The following PAIP2B variants were observed in gnomAD, a reference collection of about 807,000 sequenced individuals.
PAIP2B encodes polyadenylate-binding protein-interacting protein 2B.
PAIP2B carries 13 observed loss-of-function variants against 17.0 expected under a neutral mutation model. That is an observed-to-expected ratio of 0.76 (90% CI 0.50 to 1.22). The LOEUF (loss-of-function observed/expected upper bound fraction) is 1.22. Among genes scored for constraint, PAIP2B ranks in the 50% most tolerant of loss-of-function variants. The pLI, the probability that PAIP2B is intolerant of heterozygous loss-of-function variation, is 0.00. For synonymous variants in PAIP2B, 43 were observed against 48.7 expected (o/e 0.88, Z 0.48); for missense variants, 117 against 144.5 (o/e 0.81, Z 0.98).
At chr2:71,202,316 G>GC (rs1028685255) in intron 2 of PAIP2B, 136 bp downstream of exon 2, 22 of 1,082,990 alleles carry the variant, frequency 2.0e-5, no homozygotes, top group Middle Eastern at 2.2e-4. Context: ...TCCAGATGAG[G>GC]CCCCCCACCA....
intron 1 of PAIP2B, 125 bp downstream of exon 1, chr2:71,226,803 G>C (rs1452667554): frequency 6.6e-6 from 1 of 152,262 alleles, no homozygotes; most frequent in Non-Finnish European, 1.5e-5. Context: ...AGGAGCTCGG[G>C]CAGGCGCGTG....
At chr2:71,208,013 G>A (rs554043478) in intron 1 of PAIP2B, among the ~76,000 whole-genome samples, 5 of 152,262 alleles carry the variant, frequency 3.3e-5, no homozygotes, top group Non-Finnish European at 5.9e-5. Flanking sequence ...TGGAGTAGTC[G>A]TTTATATAAA....
At chr2:71,199,640 C>T (rs1674927788) in intron 2 of PAIP2B, among the ~76,000 whole-genome samples, 1 of 151,660 alleles carries the variant, frequency 6.6e-6, no homozygotes, top group African/African-American at 2.4e-5. Context: ...GATCTCAGCT[C>T]ACCGCAAGCT....
At chr2:71,203,817 C>T (rs1365373562) in intron 1 of PAIP2B, among the ~76,000 whole-genome samples, 1 of 150,032 alleles carries the variant, frequency 6.7e-6, no homozygotes, top group Non-Finnish European at 1.5e-5. Context: ...TTTTGCCGGC[C>T]TTAAATTTTT....
intron 2 of PAIP2B, among the ~76,000 whole-genome samples, chr2:71,195,344 C>A: frequency 6.6e-6 from 1 of 152,190 alleles, no homozygotes; most frequent in Admixed American, 6.5e-5. Flanking sequence ...GTGAGTCCAT[C>A]ATGTCCTGGG....
intron 1 of PAIP2B, among the ~76,000 whole-genome samples, chr2:71,213,307 G>A (rs1184353844): frequency 6.6e-6 from 1 of 152,162 alleles, no homozygotes; most frequent in Non-Finnish European, 1.5e-5. Flanking sequence ...ACAAAGTGGG[G>A]AGAGGGGAGC....
intron 2 of PAIP2B, among the ~76,000 whole-genome samples, chr2:71,198,410 C>A (rs989151700): frequency 2.5e-4 from 38 of 151,974 alleles, no homozygotes; most frequent in Non-Finnish European, 4.3e-4. Flanking sequence ...CTCAGCCTCC[C>A]GAGTAGCTGG....
At chr2:71,207,294 A>G (rs1675155473) in intron 1 of PAIP2B, among the ~76,000 whole-genome samples, 1 of 152,160 alleles carries the variant, frequency 6.6e-6, no homozygotes, top group African/African-American at 2.4e-5. Context: ...AATAGGGAGG[A>G]GAGAGAAAAT....
intron 1 of PAIP2B, among the ~76,000 whole-genome samples, chr2:71,208,492 GA>G (rs1359696998): frequency 6.6e-6 from 1 of 151,912 alleles, no homozygotes; most frequent in Non-Finnish European, 1.5e-5. Context: ...AGAACCCAGA[GA>G]GTTGAGAAGA....
chr2:71,223,425 C>T (rs1352636225), intron 1 of PAIP2B, among the ~76,000 whole-genome samples: 1 of 148,668 alleles, frequency 6.7e-6, no homozygotes, highest in Admixed American at 6.7e-5. Context: ...AACAAACAAA[C>T]AAACAAAAAC....
chr2:71,208,486 C>G (rs1353858994), intron 1 of PAIP2B, among the ~76,000 whole-genome samples: 1 of 151,302 alleles, frequency 6.6e-6, no homozygotes, highest in Non-Finnish European at 1.5e-5. Flanking sequence ...CTGAGAAGAA[C>G]CCAGAGAGTT....
chr2:71,190,930 T>G (rs981856304), intron 2 of PAIP2B, among the ~76,000 whole-genome samples: 1 of 152,246 alleles, frequency 6.6e-6, no homozygotes. Context: ...CAATGTAGTA[T>G]TCTTTCAAAA....
In PAIP2B at chr2:71,186,501, T is replaced by G. The variant is rs1384568639; in HGVS notation, c.*1978A>C. ...CACAGCAGAAGGAAAGACAAGCTCC[T>G]TTCTCTCTGCAATCCCAACGCATTT... is the stretch of plus-strand genomic sequence containing the variant. On this transcript the variant is annotated 3_prime_UTR_variant, in exon 4 of 4. Transcript: ENST00000244221. 6.6e-6 allele frequency: 1 copy of G among 152,218 alleles called. No homozygotes were observed. Among genetic ancestry groups the G allele is most frequent in the Non-Finnish European group, 1.5e-5 (1 of 68,046 alleles). The allele number at this position is 152,218 out of a possible 1,614,324, so 9.4% of individuals were successfully genotyped here. A position where few individuals can be genotyped will look rare whatever the true frequency, so the allele number is the denominator to read the frequency against.
chr2:71,226,676 C>CG (rs1209490641), intron 1 of PAIP2B, among the ~76,000 whole-genome samples: 33 of 150,834 alleles, frequency 2.2e-4, no homozygotes, highest in Non-Finnish European at 4.3e-4. Flanking sequence ...AGCACCTGTG[C>CG]GGGGGGGAAA....
Position 71,188,371 on chromosome 2 carries a change from C to T in PAIP2B, c.*108G>A, listed in dbSNP as rs1674596281. 2.4e-6 allele frequency: 2 copies of T among 841,084 alleles called. No homozygotes were observed. Among genetic ancestry groups the T allele is most frequent in the Non-Finnish European group, 3.9e-6 (2 of 516,088 alleles). 52.1% of individuals were successfully genotyped at this position (841,084 alleles called of 1,614,324 possible). On this transcript the variant is annotated 3_prime_UTR_variant, in exon 4 of 4. Transcript: ENST00000244221. ...TATTGTGAGACCACCACTCCCCTTC[C>T]CGCTGTGCACCCCTCGCCCGCCCCA...
chr2:71,220,236 T>C (rs1462208050), intron 1 of PAIP2B, among the ~76,000 whole-genome samples: 3 of 152,204 alleles, frequency 2.0e-5, no homozygotes, highest in Admixed American at 6.5e-5. Flanking sequence ...TATTAGCCCC[T>C]TTTTCAGTTT....
Position 71,189,954 on chromosome 2 carries a change from T to A in PAIP2B, c.206A>T (p.Asp69Val). ...TCGTGAGGGAATAAACCAGTCTTGG[T>A]CTTCTTCATCCAGCATCTCTTGGAA... ...RCFQEMLDEE[D>V]QDWFIPSRDL... is the part of the protein sequence containing the mutation. Residue 69 changes from aspartate (D) to valine (V), a missense_variant, in exon 3 of 4, where the codon GAC (aspartate) becomes GTC (valine). Coordinates refer to ENST00000244221, the MANE Select transcript of PAIP2B (RefSeq NM_020459.1). 6.2e-7 allele frequency: 1 copy of A among 1,610,972 alleles called. No individual in the cohort carries two copies. The highest frequency in any genetic ancestry group is 8.5e-7 in the Non-Finnish European group (1 of 1,178,792).
At chr2:71,222,085 G>A (rs1024844867) in intron 1 of PAIP2B, among the ~76,000 whole-genome samples, 30 of 152,100 alleles carry the variant, frequency 2.0e-4, no homozygotes, top group African/African-American at 7.0e-4. Flanking sequence ...CCTTGCTACC[G>A]CTCACTCTTT....
At chr2:71,226,271 G>A (rs1359152561) in intron 1 of PAIP2B, among the ~76,000 whole-genome samples, 1 of 152,220 alleles carries the variant, frequency 6.6e-6, no homozygotes, top group African/African-American at 2.4e-5. Context: ...CTGCCTGGAA[G>A]AGGCAAGTGG....
Sources: gnomAD v4.1 joint callset for allele counts (sites outside exome capture counted in the v4.1 genomes callset) on GRCh38, gnomAD v4.1.1 for gene constraint, MANE v1.5 for transcripts, NCBI Gene and HGNC (gene_info 2026-07-23, HGNC 2026-07-21) for gene names.